ARHGAP30: variants seen among roughly 807,000 people sequenced by gnomAD.
ARHGAP30 encodes the protein Rho GTPase activating protein 30.
Under a neutral mutation model 72.0 loss-of-function variants are expected in ARHGAP30, and 23 were observed. The observed-to-expected ratio is 0.32, with a 90% CI of 0.23 to 0.45. ARHGAP30 has a LOEUF of 0.45. Ranked by LOEUF, ARHGAP30 falls within the 20% of genes least tolerant of loss-of-function variation. ARHGAP30 has a pLI of 1.00. For missense variants in ARHGAP30, 1,319 were observed against 1,383.4 expected, an observed-to-expected ratio of 0.95 and a Z score of 0.74; for synonymous variants, 576 against 528.2, an observed-to-expected ratio of 1.09 and a Z score of -1.24.
intron 2 of ARHGAP30, among the ~76,000 whole-genome samples, chr1:161,059,059 C>T (rs1652125091): frequency 1.3e-5 from 2 of 151,998 alleles, no homozygotes; most frequent in Non-Finnish European, 2.9e-5. Flanking sequence ...AATGGAGTCT[C>T]ACTCTGTCAC....
chr1:161,055,845 A>G lies in ARHGAP30; in HGVS notation c.345+543T>C, dbSNP rs1410513512. Reference sequence around the variant, plus strand: ...AATAAAATAAAATAAAATAAAATAAATAAAATAAAATAAATAAAATAAAAT... The same window carrying G: ...AATAAAATAAAATAAAATAAAATAAGTAAAATAAAATAAATAAAATAAAAT... On this transcript the variant is annotated intron_variant, in intron 3 of 11. Transcript: ENST00000368013. 8.5e-4 allele frequency among the ~76,000 whole-genome samples: 33 copies of G among 38,886 alleles called. 1 individual carries two copies. The highest frequency in any genetic ancestry group is 3.1e-3 in the African/African-American group (33 of 10,798). 25.5% of individuals were successfully genotyped at this position (38,886 alleles called of 152,430 possible).
chr1:161,069,684 A>T lies in ARHGAP30; in HGVS notation c.-60T>A. 1 of 1,556,116 alleles carries T rather than the reference A, an allele frequency of 6.4e-7. No homozygotes were observed. The highest frequency in any genetic ancestry group is 1.1e-5 in the South Asian group (1 of 90,094). ...TATCCCCCAAGACCTGTGCCCTACC[A>T]GTCCCCCATGGGATCCCAGCCAGCT... On this transcript the variant is annotated 5_prime_UTR_variant, in exon 1 of 12. Coordinates refer to ENST00000368013, the MANE Select transcript of ARHGAP30 (RefSeq NM_001025598.2). This position sits in a 1 kb window ranked among gnomAD's most constrained non-coding sequence, Gnocchi z 4.9.
chr1:161,069,761 G>A lies in ARHGAP30; in HGVS notation c.-137C>T. Reference sequence around the variant, plus strand: ...GCAGGGCTCCCAATTGGGGGTGGAGGGTGGCCTGGGCAACGGGCAGCAGCT... The same window carrying A: ...GCAGGGCTCCCAATTGGGGGTGGAGAGTGGCCTGGGCAACGGGCAGCAGCT... On this transcript the variant is annotated 5_prime_UTR_variant, in exon 1 of 12. Coordinates refer to ENST00000368013, the MANE Select transcript of ARHGAP30 (RefSeq NM_001025598.2). This position sits in a 1 kb window ranked among gnomAD's most constrained non-coding sequence, Gnocchi z 4.9. The A allele has an allele frequency of 1.1e-6, 1 of 890,814 alleles. No homozygotes were observed. The allele number at this position is 890,814 out of a possible 1,614,324, so 55.2% of individuals were successfully genotyped here.
At chr1:161,060,337 T>G in intron 1 of ARHGAP30, 1 of 349,060 alleles carries the variant, frequency 2.9e-6, no homozygotes, top group Non-Finnish European at 5.8e-6. Flanking sequence ...GTCTCATGCC[T>G]GTAATCCCAA....
intron 10 of ARHGAP30, 105 bp from the exon 11 acceptor site, chr1:161,049,794 T>G (rs1394585677): frequency 1.4e-6 from 2 of 1,421,306 alleles, no homozygotes; most frequent in Non-Finnish European, 1.9e-6. Context: ...ACTCCCAGCA[T>G]TGCTACTCTG....
At chr1:161,054,147 G>A (rs892525289) in intron 5 of ARHGAP30, among the ~76,000 whole-genome samples, 1 of 152,140 alleles carries the variant, frequency 6.6e-6, no homozygotes, top group Non-Finnish European at 1.5e-5. Context: ...AAACACAAAA[G>A]TCCTGCCTTT....
chr1:161,053,723 T>C (rs1281357108), intron 5 of ARHGAP30, among the ~76,000 whole-genome samples: 2 of 152,170 alleles, frequency 1.3e-5, no homozygotes, highest in African/African-American at 4.8e-5. Context: ...GTGAGTGATA[T>C]GCACAGTGAG....
intron 10 of ARHGAP30, among the ~76,000 whole-genome samples, chr1:161,050,625 AT>A (rs1651286351): frequency 1.3e-5 from 2 of 148,540 alleles, no homozygotes; most frequent in Non-Finnish European, 3.0e-5. Flanking sequence ...TTGGTACTTA[AT>A]AAACTGTTTT....
intron 1 of ARHGAP30, among the ~76,000 whole-genome samples, chr1:161,064,633 C>A (rs1652552872): frequency 6.6e-6 from 1 of 151,962 alleles, no homozygotes; most frequent in Non-Finnish European, 1.5e-5. Flanking sequence ...TGGCTCACAC[C>A]TGTAGTCCCA....
At chr1:161,064,777 GAA>G (rs373425402) in intron 1 of ARHGAP30, among the ~76,000 whole-genome samples, 2,715 of 68,478 alleles carry the variant, frequency 0.04, 49 homozygotes, top group Non-Finnish European at 0.048. Flanking sequence ...AAGAAAGAAA[GAA>G]AAAGAAAGAA....
At chr1:161,064,965 G>GA (rs1200721641) in intron 1 of ARHGAP30, among the ~76,000 whole-genome samples, 13 of 151,162 alleles carry the variant, frequency 8.6e-5, no homozygotes, top group Non-Finnish European at 1.8e-4. Flanking sequence ...AGGGAAGGGG[G>GA]AAAAAGCTGT....
intron 1 of ARHGAP30, among the ~76,000 whole-genome samples, chr1:161,067,674 G>T (rs375961577): frequency 2.6e-5 from 4 of 152,146 alleles, no homozygotes; most frequent in African/African-American, 9.7e-5. Context: ...AGACCCATGT[G>T]GGGGCAAAGA....
chr1:161,049,450 C>G lies in ARHGAP30; in HGVS notation c.1660G>C (p.Glu554Gln), dbSNP rs1200841682. 1 of 1,612,584 alleles carries G rather than the reference C, an allele frequency of 6.2e-7. No individual in the cohort carries two copies. Among genetic ancestry groups the G allele is most frequent in the South Asian group, 1.1e-5 (1 of 91,006 alleles). Residue 554 changes from glutamate to glutamine, a missense_variant, in exon 11 of 12, where the codon GAG becomes CAG. Physicochemically the swap from Glu to Gln is conservative, Grantham distance 29. Transcript: ENST00000368013. ...GEDDPGMGYL[E>Q]ELLGVGPQVE... ...TGAGGCCCAACTCCCAGGAGCTCCT[C>G]CAGGTAGCCCATCCCAGGGTCGTCC...
At chr1:161,053,455 T>G in intron 5 of ARHGAP30, 70 bp from the exon 6 acceptor site, 1 of 1,536,824 alleles carries the variant, frequency 6.5e-7, no homozygotes, top group East Asian at 2.3e-5. Context: ...TCCCTGAAAA[T>G]ACCTTATTCT....
At position 161,053,508 on chromosome 1, in the gene ARHGAP30, A is replaced by ATCTC. The variant is rs1553217392; in HGVS notation, c.537-124_537-123insGAGA. 2.0e-4 allele frequency: 144 copies of ATCTC among 720,006 alleles called. 2 individuals are homozygous for ATCTC. The highest frequency in any genetic ancestry group is 4.1e-4 in the African/African-American group (17 of 41,058). 44.6% of individuals were successfully genotyped at this position (720,006 alleles called of 1,614,324 possible). The stretch of plus-strand genomic sequence containing the variant: ...TCTCTCTCTCTCTCTCTCTCTCTCG[A>ATCTC]ATGACCTTAACCCCTTCTCTACCTC... On this transcript the variant is annotated intron_variant, in intron 5 of 11. Coordinates refer to ENST00000368013, the MANE Select transcript of ARHGAP30 (RefSeq NM_001025598.2).
rs767483558 is a variant in ARHGAP30 at position 161,056,466 on chromosome 1, G to A, written c.267C>T (p.Cys89=). ...AATAGGCCTTGCACAGGGAGGAGACGCAGTGAATGTCTTGGAGGTAAACAT... is the reference window on the plus strand; with the variant it reads ...AATAGGCCTTGCACAGGGAGGAGACACAGTGAATGTCTTGGAGGTAAACAT... ...RRDVYLQDIH[C]VSSLCKAYFR... The change falls in exon 3 of 12, where the codon TGC becomes TGT. Residue 89 remains cysteine, a synonymous_variant. Coordinates refer to ENST00000368013, the MANE Select transcript of ARHGAP30 (RefSeq NM_001025598.2). 8.1e-6 allele frequency: 13 copies of A among 1,613,968 alleles called. No homozygotes were observed. Among genetic ancestry groups the A allele is most frequent in the African/African-American group, 2.7e-5 (2 of 75,044 alleles).
chr1:161,054,167 T>C (rs150190484), intron 5 of ARHGAP30, among the ~76,000 whole-genome samples, 199 bp downstream of exon 5: 1 of 152,330 alleles, frequency 6.6e-6, no homozygotes, highest in Non-Finnish European at 1.5e-5. Context: ...TTAGGGACTT[T>C]ATTTGATCAC....
chr1:161,050,077 C>T (rs1446326154), intron 10 of ARHGAP30, among the ~76,000 whole-genome samples: 2 of 152,174 alleles, frequency 1.3e-5, no homozygotes, highest in Non-Finnish European at 2.9e-5. Flanking sequence ...TTCTTACCCA[C>T]TATCCTATCC....
intron 1 of ARHGAP30, among the ~76,000 whole-genome samples, chr1:161,066,460 A>G (rs893767518): frequency 1.3e-5 from 2 of 151,028 alleles, no homozygotes; most frequent in African/African-American, 4.9e-5. Flanking sequence ...TAGCCTGGCC[A>G]ACATGGCAAA....
Sources: allele counts gnomAD v4.1 joint callset (sites outside exome capture counted in the v4.1 genomes callset), GRCh38; gene constraint gnomAD v4.1.1; non-coding constraint Gnocchi (gnomAD v3.1); transcripts MANE v1.5; gene names NCBI Gene and HGNC (gene_info 2026-07-23, HGNC 2026-07-21).